GABRG3: variants seen among roughly 807,000 people sequenced by gnomAD.
GABRG3 encodes the protein gamma-aminobutyric acid receptor subunit gamma-3.
A neutral mutation model predicts 48.8 loss-of-function variants in GABRG3; 25 were observed. That is an observed-to-expected ratio of 0.51 (90% CI 0.37 to 0.72). The LOEUF is 0.72. Among genes scored for constraint, GABRG3 ranks in the 30% least tolerant of loss-of-function variants. The probability of loss-of-function intolerance (pLI) is 0.00; values close to 1 mark genes in which losing one functional copy is unlikely to be tolerated. For synonymous variants in GABRG3, 227 were observed against 217.6 expected, an observed-to-expected ratio of 1.04 and a Z score of -0.38; for missense variants, 394 against 577.9, an observed-to-expected ratio of 0.68 and a Z score of 3.26.
chr15:27,238,087 T>G (rs1890029499), intron 3 of GABRG3, among the ~76,000 whole-genome samples: 3 of 143,768 alleles, frequency 2.1e-5, no homozygotes, highest in South Asian at 2.4e-4. Flanking sequence ...GGACCTGGTG[T>G]GATGGGATCA....
intron 3 of GABRG3, among the ~76,000 whole-genome samples, chr15:27,089,860 G>C (rs1163514210): frequency 6.6e-6 from 1 of 152,206 alleles, no homozygotes; most frequent in Non-Finnish European, 1.5e-5. Flanking sequence ...CATCCATGCT[G>C]CACCCCGTGT....
chr15:27,232,292 C>T (rs1357897338), intron 3 of GABRG3, among the ~76,000 whole-genome samples: 1 of 152,040 alleles, frequency 6.6e-6, no homozygotes, highest in Non-Finnish European at 1.5e-5. Flanking sequence ...TAACTCAGTA[C>T]AATAAAAGAG....
intron 5 of GABRG3, among the ~76,000 whole-genome samples, chr15:27,398,572 C>A (rs1474984940): frequency 6.6e-6 from 1 of 151,826 alleles, no homozygotes; most frequent in Non-Finnish European, 1.5e-5. Flanking sequence ...TGCTGATTTT[C>A]TACCAATGTG....
intron 5 of GABRG3, among the ~76,000 whole-genome samples, chr15:27,432,680 T>C (rs999138069): frequency 6.6e-6 from 1 of 152,236 alleles, no homozygotes; most frequent in Non-Finnish European, 1.5e-5. Context: ...GCAATCTGGA[T>C]GTGCTGAAAA....
intron 3 of GABRG3, among the ~76,000 whole-genome samples, chr15:27,277,920 G>A (rs969255667): frequency 6.6e-6 from 1 of 151,926 alleles, no homozygotes; most frequent in Non-Finnish European, 1.5e-5. Context: ...CTTCCCTCAG[G>A]GACCACATCT....
intron 5 of GABRG3, among the ~76,000 whole-genome samples, chr15:27,424,146 G>A (rs1888217600): frequency 6.6e-6 from 1 of 151,956 alleles, no homozygotes; most frequent in Admixed American, 6.6e-5. Context: ...TGCTTACCTG[G>A]GGTCCCTGGG....
chr15:27,126,673 A>G (rs1897826706), intron 3 of GABRG3, among the ~76,000 whole-genome samples: 1 of 152,206 alleles, frequency 6.6e-6, no homozygotes, highest in Non-Finnish European at 1.5e-5. Context: ...GAGCAAATCC[A>G]TGGTGAGGAT....
chr15:27,111,516 C>G (rs1418558698), intron 3 of GABRG3, among the ~76,000 whole-genome samples: 1 of 152,164 alleles, frequency 6.6e-6, no homozygotes, highest in Non-Finnish European at 1.5e-5. Flanking sequence ...GGTGAGGTTT[C>G]TCGCTAGACT....
Position 26,974,783 on chromosome 15 carries a change from G to T in GABRG3, c.54-2219G>T, listed in dbSNP as rs2140631582. Among the ~76,000 whole-genome samples the T allele has an allele frequency of 6.6e-6, 1 of 151,726 alleles. No homozygotes were observed. Among genetic ancestry groups the T allele is most frequent in the East Asian group, 1.9e-4 (1 of 5,158 alleles). Reference sequence around the variant, plus strand: ...GCTCTTTAAGTTTTAAAAAATTTTTGCAAGATGATAAAATTAACATTTCTG... The same window carrying T: ...GCTCTTTAAGTTTTAAAAAATTTTTTCAAGATGATAAAATTAACATTTCTG... On this transcript the variant is annotated intron_variant, in intron 1 of 9. Transcript: ENST00000615808. This position sits in a 1 kb window ranked among gnomAD's most constrained non-coding sequence, Gnocchi z 4.3.
intron 3 of GABRG3, among the ~76,000 whole-genome samples, chr15:27,233,247 C>T (rs1271053164): frequency 1.3e-5 from 2 of 152,190 alleles, no homozygotes; most frequent in African/African-American, 4.8e-5. Context: ...TTTTAATTTC[C>T]AGTGGTTTTA....
intron 3 of GABRG3, among the ~76,000 whole-genome samples, chr15:27,072,102 A>G (rs770134718): frequency 2.1e-4 from 32 of 151,978 alleles, no homozygotes; most frequent in Non-Finnish European, 4.1e-4. Context: ...GAAGTACCCC[A>G]CCTCCAATCA....
chr15:27,308,411 T>G (rs1892817370), intron 3 of GABRG3, among the ~76,000 whole-genome samples: 1 of 145,968 alleles, frequency 6.9e-6, no homozygotes, highest in Admixed American at 6.9e-5. Flanking sequence ...TAAACATATA[T>G]AAACATGTAA....
chr15:27,455,308 G>T lies in GABRG3; in HGVS notation c.575-25342G>T, dbSNP rs372443056. 3.4e-4 allele frequency among the ~76,000 whole-genome samples: 52 copies of T among 152,338 alleles called. No individual in the cohort carries two copies. The Middle Eastern group carries it at 0.01, about 30-fold the overall frequency. ...CTTCCGCCCTTTAATCTACTAGTGT[G>T]TATGTGTGCTGTGCATCTGCGCATT... On this transcript the variant is annotated intron_variant, in intron 5 of 9. Transcript: ENST00000615808.
chr15:27,090,860 A>T (rs144511362), intron 3 of GABRG3, among the ~76,000 whole-genome samples: 1 of 152,136 alleles, frequency 6.6e-6, no homozygotes, highest in Non-Finnish European at 1.5e-5. Flanking sequence ...AGTTGATTTT[A>T]TATCCTGCAA....
chr15:27,103,650 T>C (rs1195624908), intron 3 of GABRG3, among the ~76,000 whole-genome samples: 8 of 152,302 alleles, frequency 5.3e-5, no homozygotes, highest in East Asian at 3.9e-4. Context: ...TACACATCCA[T>C]TGTAACAAGC....
intron 3 of GABRG3, among the ~76,000 whole-genome samples, chr15:27,077,613 C>A (rs892189240): frequency 6.6e-6 from 1 of 152,154 alleles, no homozygotes; most frequent in Non-Finnish European, 1.5e-5. Flanking sequence ...CCCGTGTGAG[C>A]CTTCTTCCCC....
At chr15:27,075,485 C>A (rs1330235814) in intron 3 of GABRG3, among the ~76,000 whole-genome samples, 1 of 152,160 alleles carries the variant, frequency 6.6e-6, no homozygotes, top group Non-Finnish European at 1.5e-5. Context: ...TATCCTCAAT[C>A]TAGTGCAAAA....
At chr15:27,496,219 A>T (rs1362868580) in intron 6 of GABRG3, among the ~76,000 whole-genome samples, 3 of 152,178 alleles carry the variant, frequency 2.0e-5, no homozygotes, top group African/African-American at 7.2e-5. Context: ...AGCTTCTCTC[A>T]TGCTGCCCTA....
intron 3 of GABRG3, among the ~76,000 whole-genome samples, chr15:27,071,922 G>A (rs139084826): frequency 8.3e-4 from 126 of 152,326 alleles, no homozygotes; most frequent in African/African-American, 2.7e-3. Flanking sequence ...AGAAAAAACA[G>A]TCTCCACAGC....
Sources: allele counts gnomAD v4.1 joint callset (sites outside exome capture counted in the v4.1 genomes callset), GRCh38; gene constraint gnomAD v4.1.1; non-coding constraint Gnocchi (gnomAD v3.1); transcripts MANE v1.5; gene names NCBI Gene and HGNC (gene_info 2026-07-23, HGNC 2026-07-21).